PRKN: variants seen among roughly 807,000 people sequenced by gnomAD.
The protein encoded by PRKN is parkin RBR E3 ubiquitin protein ligase.
Under a neutral mutation model 59.5 loss-of-function variants are expected in PRKN, and 56 were observed. The ratio of observed to expected loss-of-function variants is 0.94; its 90% CI spans 0.76 to 1.18. The LOEUF is 1.18. Among genes scored for constraint, PRKN ranks in the 50% most tolerant of loss-of-function variants. The pLI is 0.00. For missense variants in PRKN, 657 were observed against 596.4 expected (o/e 1.10, Z -1.06); for synonymous variants, 250 against 222.1 (o/e 1.13, Z -1.12).
At chr6:161,422,350 C>G (rs1301284413) in intron 9 of PRKN, among the ~76,000 whole-genome samples, 2 of 152,056 alleles carry the variant, frequency 1.3e-5, no homozygotes, top group East Asian at 1.9e-4. Context: ...AGGCACCCAC[C>G]ACCACACCCA....
intron 7 of PRKN, among the ~76,000 whole-genome samples, chr6:161,583,007 CACACACACACACACAT>C (rs1233778971): frequency 1.4e-4 from 21 of 146,810 alleles, no homozygotes; most frequent in Middle Eastern, 3.5e-3. Context: ...CACACACACA[CACACACACACACACAT>C]ACACATTTTG....
chr6:161,825,082 AAAT>A (rs1175815569), intron 6 of PRKN, among the ~76,000 whole-genome samples: 5 of 152,200 alleles, frequency 3.3e-5, no homozygotes, highest in African/African-American at 1.2e-4. Flanking sequence ...TCAATAATAA[AAAT>A]AAATTGTAAT....
At position 161,553,152 on chromosome 6, in the gene PRKN, C is replaced by T. The variant is rs187897985; in HGVS notation, c.934-4149G>A. On this transcript the variant is annotated intron_variant, in intron 8 of 11. Transcript: ENST00000366898. Reference sequence around the variant, plus strand: ...GAAGATGTGTTGTTTAGTCCATCACCCTCCATTGTCTTTTTTTCCTTGCAA... The same window carrying T: ...GAAGATGTGTTGTTTAGTCCATCACTCTCCATTGTCTTTTTTTCCTTGCAA... Among the ~76,000 whole-genome samples the T allele has an allele frequency of 3.6e-3, 538 of 151,106 alleles. 5 individuals carry two copies. The highest frequency in any genetic ancestry group is 7.6e-3 in the African/African-American group (315 of 41,480).
chr6:162,520,880 T>C (rs78535625), intron 1 of PRKN, among the ~76,000 whole-genome samples: 2,725 of 152,216 alleles, frequency 0.018, 91 homozygotes, highest in African/African-American at 0.061. Context: ...ACAGCTCAAA[T>C]AGTATGAGCA....
intron 7 of PRKN, among the ~76,000 whole-genome samples, chr6:161,652,909 C>T (rs1019624909): frequency 1.3e-5 from 2 of 152,184 alleles, no homozygotes; most frequent in Non-Finnish European, 1.5e-5. Context: ...CATAGTTTTT[C>T]AAACTGACGA....
intron 1 of PRKN, among the ~76,000 whole-genome samples, chr6:162,488,742 C>T (rs192648049): frequency 5.9e-5 from 9 of 152,204 alleles, no homozygotes; most frequent in African/African-American, 2.2e-4. Flanking sequence ...GAAAAGGCCC[C>T]GACGCATAGC....
Position 161,506,700 on chromosome 6 carries a change from T to C in PRKN, c.1083+42154A>G, listed in dbSNP as rs977048392. ...GGCTGTGGGGACCTAACTGGGCTTA[T>C]TGAGAGGCACACAGCCAGTGCTCAA... is the stretch of plus-strand genomic sequence containing the variant. On this transcript the variant is annotated intron_variant, in intron 9 of 11. Transcript: ENST00000366898. Among the ~76,000 whole-genome samples, 4 of 152,142 alleles carry C rather than the reference T, an allele frequency of 2.6e-5. No homozygotes were observed. In the East Asian group the frequency reaches 7.7e-4, roughly 29 times the overall value.
intron 7 of PRKN, among the ~76,000 whole-genome samples, chr6:161,674,316 G>C (rs1333651507): frequency 6.6e-6 from 1 of 151,838 alleles, no homozygotes; most frequent in Non-Finnish European, 1.5e-5. Context: ...TTTTAATCTA[G>C]TATCTCAAAT....
intron 6 of PRKN, among the ~76,000 whole-genome samples, chr6:161,807,319 A>G (rs1208603821): frequency 6.6e-6 from 1 of 152,198 alleles, no homozygotes; most frequent in East Asian, 1.9e-4. Context: ...ACATATATAT[A>G]CACAAAGATA....
chr6:162,034,186 T>TAGAGAG (rs71643580), intron 5 of PRKN, among the ~76,000 whole-genome samples: 2,000 of 133,252 alleles, frequency 0.015, 27 homozygotes, highest in Non-Finnish European at 0.017. Flanking sequence ...TATATATATA[T>TAGAGAG]AGAGAGAGAG....
chr6:161,420,834 A>C (rs1012811945), intron 9 of PRKN, among the ~76,000 whole-genome samples: 1 of 152,190 alleles, frequency 6.6e-6, no homozygotes, highest in Non-Finnish European at 1.5e-5. Context: ...TCAAAGATGA[A>C]GTTACATGTC....
intron 1 of PRKN, among the ~76,000 whole-genome samples, chr6:162,614,091 G>A (rs1159997649): frequency 1.3e-5 from 2 of 152,154 alleles, no homozygotes; most frequent in African/African-American, 4.8e-5. Context: ...TATAAATACT[G>A]TATTTGTAGG....
chr6:162,251,120 G>T (rs549414382), intron 3 of PRKN, among the ~76,000 whole-genome samples: 2 of 152,038 alleles, frequency 1.3e-5, no homozygotes, highest in African/African-American at 2.4e-5. Context: ...TTTGTCCCAG[G>T]CCTAAAATCT....
intron 5 of PRKN, among the ~76,000 whole-genome samples, chr6:161,984,379 T>G (rs2128255348): frequency 6.6e-6 from 1 of 152,296 alleles, no homozygotes; most frequent in East Asian, 1.9e-4. Flanking sequence ...TGCCTCAGCC[T>G]CCCGAGTAGC....
chr6:161,450,089 C>A (rs1406383889), intron 9 of PRKN, among the ~76,000 whole-genome samples: 4 of 152,190 alleles, frequency 2.6e-5, no homozygotes, highest in African/African-American at 2.4e-5. Context: ...TGAAAATAAA[C>A]AAACTGTTGA....
chr6:162,413,473 A>C (rs2128155709), intron 2 of PRKN, among the ~76,000 whole-genome samples: 2 of 152,356 alleles, frequency 1.3e-5, no homozygotes, highest in Middle Eastern at 3.4e-3. Flanking sequence ...CTCAGATAGT[A>C]ACTAATTAGA....
chr6:162,039,113 G>A (rs1783961246), intron 5 of PRKN, among the ~76,000 whole-genome samples: 1 of 151,212 alleles, frequency 6.6e-6, no homozygotes, highest in African/African-American at 2.4e-5. Context: ...CAGAGATCGC[G>A]CCACTGCACT....
intron 4 of PRKN, among the ~76,000 whole-genome samples, chr6:162,103,960 T>C (rs924277462): frequency 1.3e-5 from 2 of 151,774 alleles, no homozygotes; most frequent in Non-Finnish European, 2.9e-5. Flanking sequence ...GCAAGTGGAG[T>C]CTCAGGGGAT....
intron 4 of PRKN, among the ~76,000 whole-genome samples, chr6:162,188,268 C>T (rs1784112885): frequency 2.0e-5 from 3 of 152,158 alleles, no homozygotes; most frequent in African/African-American, 7.2e-5. Flanking sequence ...AGCTGCTTTA[C>T]AAAAATCACC....
Sources: allele counts gnomAD v4.1 joint callset (sites outside exome capture counted in the v4.1 genomes callset), GRCh38; gene constraint gnomAD v4.1.1; transcripts MANE v1.5; gene names NCBI Gene and HGNC (gene_info 2026-07-23, HGNC 2026-07-21).